The following COQ8A variants were observed in gnomAD, a reference collection of about 807,000 sequenced individuals.
COQ8A encodes atypical kinase COQ8A, mitochondrial.
In COQ8A, 51 loss-of-function variants were observed where a neutral mutation model predicts 65.0. The ratio of observed to expected loss-of-function variants is 0.78; its 90% CI spans 0.63 to 0.99. COQ8A has a LOEUF of 0.99. Among genes scored for constraint, COQ8A ranks in the 50% least tolerant of loss-of-function variants. COQ8A has a pLI of 0.00. For missense variants in COQ8A, 940 were observed against 875.0 expected (o/e 1.07, Z -0.94); for synonymous variants, 371 against 353.2 (o/e 1.05, Z -0.57).
chr1:226,960,521 G>GGTACTTGGTGGTGGTACTTGGTGGTA (rs1658173042), intron 1 of COQ8A, among the ~76,000 whole-genome samples: 3 of 5,114 alleles, frequency 5.9e-4, no homozygotes, highest in South Asian at 4.5e-3. Context: ...TGGTGGTGGT[G>GGTACTTGGTGGTGGTACTTGGTGGTA]CTTGGTGGTG....
At chr1:226,952,306 C>T (rs1558181468) in intron 1 of COQ8A, among the ~76,000 whole-genome samples, 1 of 152,090 alleles carries the variant, frequency 6.6e-6, no homozygotes, top group South Asian at 2.1e-4. Context: ...AACCCTTGCC[C>T]GTTCTGCTAT....
At chr1:226,959,565 C>T (rs959051217) in intron 1 of COQ8A, among the ~76,000 whole-genome samples, 2 of 152,148 alleles carry the variant, frequency 1.3e-5, no homozygotes, top group African/African-American at 2.4e-5. Flanking sequence ...TGAAATGAGT[C>T]TACATGTTAG....
chr1:226,943,766 C>T (rs1021483958), intron 1 of COQ8A, among the ~76,000 whole-genome samples: 31 of 152,150 alleles, frequency 2.0e-4, no homozygotes, highest in Middle Eastern at 3.2e-3. Flanking sequence ...GTTTGACAAA[C>T]GCACATAGTC....
intron 8 of COQ8A, chr1:226,983,250 C>T (rs1659829620): frequency 1.3e-6 from 1 of 784,438 alleles, no homozygotes; most frequent in East Asian, 2.7e-5. Flanking sequence ...GAGGGGCCCC[C>T]AGCAAGCTTG....
chr1:226,945,494 G>A (rs1656981474), intron 1 of COQ8A, among the ~76,000 whole-genome samples: 1 of 152,216 alleles, frequency 6.6e-6, no homozygotes, highest in African/African-American at 2.4e-5. Context: ...TCAGAGGAGG[G>A]TAAAAGTAAG....
intron 5 of COQ8A, among the ~76,000 whole-genome samples, chr1:226,978,415 C>A (rs1466089447): frequency 7.0e-6 from 1 of 143,632 alleles, no homozygotes; most frequent in South Asian, 2.3e-4. Context: ...ACCTTGCACA[C>A]CCTCCACACA....
chr1:226,973,917 G>A (rs184495442), intron 4 of COQ8A, among the ~76,000 whole-genome samples: 2 of 152,268 alleles, frequency 1.3e-5, no homozygotes, highest in African/African-American at 2.4e-5. Context: ...AAACTCCCCC[G>A]AGCCCTTCTC....
chr1:226,979,933 G>C (rs1659588867), intron 5 of COQ8A, among the ~76,000 whole-genome samples: 1 of 152,186 alleles, frequency 6.6e-6, no homozygotes, highest in Admixed American at 6.5e-5. Flanking sequence ...CTGTTCTCCA[G>C]ACTACCTCAT....
At chr1:226,944,179 G>T (rs181577257) in intron 1 of COQ8A, among the ~76,000 whole-genome samples, 1 of 152,166 alleles carries the variant, frequency 6.6e-6, no homozygotes, top group African/African-American at 2.4e-5. Flanking sequence ...TGTGGGGCAG[G>T]GGGTGGCTGA....
chr1:226,966,303 T>C (rs1658565489), intron 4 of COQ8A, among the ~76,000 whole-genome samples: 1 of 152,238 alleles, frequency 6.6e-6, no homozygotes, highest in African/African-American at 2.4e-5. Context: ...TGAGTTGTCA[T>C]TGTGCCCAGT....
Position 226,972,720 on chromosome 1 carries a change from G to A in COQ8A, c.656-4729G>A, listed in dbSNP as rs1385820126. Among the ~76,000 whole-genome samples, 1 of 152,202 alleles carries A rather than the reference G, an allele frequency of 6.6e-6. No homozygotes were observed. Among genetic ancestry groups the A allele is most frequent in the Non-Finnish European group, 1.5e-5 (1 of 68,052 alleles). ...CCAAACTTTTGTGTCCCTCATCTCAGTGGTAAAATTTAAAACAAACATTGG... is the reference window on the plus strand; with the variant it reads ...CCAAACTTTTGTGTCCCTCATCTCAATGGTAAAATTTAAAACAAACATTGG... On this transcript the variant is annotated intron_variant, in intron 4 of 14. Transcript: ENST00000366777. This position sits in a 1 kb window ranked among gnomAD's most constrained non-coding sequence, Gnocchi z 4.3.
intron 1 of COQ8A, among the ~76,000 whole-genome samples, chr1:226,959,638 T>C (rs1421416248): frequency 6.6e-6 from 1 of 152,222 alleles, no homozygotes; most frequent in Non-Finnish European, 1.5e-5. Context: ...TCTGTGTTTA[T>C]TGATTTGAGA....
intron 11 of COQ8A, 144 bp from the exon 12 acceptor site, chr1:226,984,404 T>C: frequency 7.9e-7 from 1 of 1,273,800 alleles, no homozygotes; most frequent in South Asian, 1.2e-5. Context: ...GCTGCTGCCT[T>C]CCCTGGCCCA....
chr1:226,984,992 C>A (rs755964743), intron 13 of COQ8A, 51 bp downstream of exon 13: 1 of 1,602,420 alleles, frequency 6.2e-7, no homozygotes, highest in South Asian at 1.1e-5. Flanking sequence ...GAGGCTGGGA[C>A]AGGATGCTGG....
At chr1:226,985,432 C>T in intron 14 of COQ8A, 92 bp downstream of exon 14, 2 of 1,482,706 alleles carry the variant, frequency 1.3e-6, no homozygotes, top group South Asian at 1.1e-5. Flanking sequence ...GGCAGCTGCC[C>T]TCAAGGGGCC....
At chr1:226,968,750 A>G (rs763949584) in intron 4 of COQ8A, among the ~76,000 whole-genome samples, 2 of 152,174 alleles carry the variant, frequency 1.3e-5, no homozygotes, top group Non-Finnish European at 2.9e-5. Flanking sequence ...GTGGAAGTCA[A>G]GGACTTTCCA....
intron 6 of COQ8A, 180 bp from the exon 7 acceptor site, chr1:226,982,498 G>A: frequency 1.4e-6 from 1 of 737,772 alleles, no homozygotes; most frequent in Non-Finnish European, 2.3e-6. Context: ...CGGAGGCTGG[G>A]GCTCCCGGGA....
intron 4 of COQ8A, among the ~76,000 whole-genome samples, chr1:226,971,250 T>C (rs1658894214): frequency 2.0e-5 from 3 of 151,956 alleles, no homozygotes; most frequent in Admixed American, 2.0e-4. Context: ...CTAGTTTTTA[T>C]TTTTTTGAAA....
In COQ8A at chr1:226,959,915, T is replaced by G. The variant is rs577143733; in HGVS notation, c.-9-1462T>G. The stretch of plus-strand genomic sequence containing the variant: ...TTTGCCACTTTGAAAGTAGGACAAG[T>G]GAACTAAGAAAGCTACCCACAGTGC... On this transcript the variant is annotated intron_variant, in intron 1 of 14. Coordinates refer to ENST00000366777, the MANE Select transcript of COQ8A (RefSeq NM_020247.5). Among the ~76,000 whole-genome samples, 6 of 152,390 alleles carry G rather than the reference T, an allele frequency of 3.9e-5. No individual in the cohort carries two copies. In the South Asian group the frequency reaches 1.2e-3, roughly 32 times the overall value.
Sources: gnomAD v4.1 joint callset for allele counts (sites outside exome capture counted in the v4.1 genomes callset) on GRCh38, gnomAD v4.1.1 for gene constraint, Gnocchi (gnomAD v3.1) non-coding constraint, MANE v1.5 for transcripts, NCBI Gene and HGNC (gene_info 2026-07-23, HGNC 2026-07-21) for gene names.